Variants in OTULIN observed in about 807,000 individuals in gnomAD.
OTULIN encodes the protein ubiquitin thioesterase otulin.
Under a neutral mutation model 39.6 loss-of-function variants are expected in OTULIN, and 15 were observed. The observed-to-expected ratio is 0.38, with a 90% CI of 0.25 to 0.58. OTULIN has a LOEUF of 0.58. Among genes scored for constraint, OTULIN ranks in the 20% least tolerant of loss-of-function variants. The pLI, the probability that OTULIN is intolerant of heterozygous loss-of-function variation, is 0.66. For missense variants in OTULIN, 319 were observed against 445.9 expected (o/e 0.72, Z 2.56); for synonymous variants, 156 against 170.3 (o/e 0.92, Z 0.65).
chr5:14,687,481 T>C, intron 4 of OTULIN, 40 bp from the exon 5 acceptor site: 1 of 1,594,268 alleles, frequency 6.3e-7, no homozygotes, highest in East Asian at 2.3e-5. Context: ...TTTCTTGGAA[T>C]GTTAACACTT....
At chr5:14,692,792 G>C in intron 6 of OTULIN, 62 bp from the exon 7 acceptor site, 1 of 1,467,818 alleles carries the variant, frequency 6.8e-7, no homozygotes. Flanking sequence ...GATGGAACAT[G>C]GTGTTAAGCC....
intron 4 of OTULIN, among the ~76,000 whole-genome samples, chr5:14,685,882 G>T (rs1273991715): frequency 6.6e-6 from 1 of 152,198 alleles, no homozygotes; most frequent in South Asian, 2.1e-4. Flanking sequence ...GGCATGTGAG[G>T]TTCTTGTGAT....
At position 14,696,316 on chromosome 5, in the gene OTULIN, A is replaced by T. The variant is rs1736667748; in HGVS notation, c.*3268A>T. Reference sequence around the variant, plus strand: ...TCTTCAGATACTAAAGTACAGTTGGATCATTTTCTTATCTCCTTTTCTTAA... The same window carrying T: ...TCTTCAGATACTAAAGTACAGTTGGTTCATTTTCTTATCTCCTTTTCTTAA... On this transcript the variant is annotated 3_prime_UTR_variant, in exon 7 of 7. Coordinates refer to ENST00000284274, the MANE Select transcript of OTULIN (RefSeq NM_138348.6). 6.6e-6 allele frequency: 1 copy of T among 152,212 alleles called. No individual in the cohort carries two copies. Among genetic ancestry groups the T allele is most frequent in the African/African-American group, 2.4e-5 (1 of 41,446 alleles). The allele number at this position is 152,212 out of a possible 1,614,324, so 9.4% of individuals were successfully genotyped here.
chr5:14,703,324 CAAAAAAAAAAAAAAAAAAAAAAAA>C (rs59779015), downstream of OTULIN, among the ~76,000 whole-genome samples: 85 of 122,094 alleles, frequency 7.0e-4, no homozygotes, highest in Middle Eastern at 4.3e-3. Context: ...TTAATAGTGT[CAAAAAAAAAAAAAAAAAAAAAAAA>C]AAAAAAAAAA....
At chr5:14,710,873 CAAGAG>C in the OTULIN span, 1 of 374,200 alleles carries the variant, frequency 2.7e-6, no homozygotes, top group Non-Finnish European at 5.1e-6. Context: ...CCTTTGGTTC[CAAGAG>C]GAGATTGTCC....
intron 1 of OTULIN, among the ~76,000 whole-genome samples, chr5:14,673,072 T>C: frequency 6.6e-6 from 1 of 152,202 alleles, no homozygotes; most frequent in East Asian, 1.9e-4. Flanking sequence ...GGAATCTATG[T>C]AACAGCTGCA....
chr5:14,668,472 C>T (rs530177599), intron 1 of OTULIN, among the ~76,000 whole-genome samples: 20 of 152,286 alleles, frequency 1.3e-4, no homozygotes, highest in African/African-American at 4.1e-4. Flanking sequence ...ATCTCTGAAC[C>T]GCAAAGTGGT....
chr5:14,681,622 C>T lies in OTULIN; in HGVS notation c.468+15C>T. The T allele has an allele frequency of 2.5e-6, 4 of 1,597,180 alleles. No homozygotes were observed. The highest frequency in any genetic ancestry group is 2.6e-6 in the Non-Finnish European group (3 of 1,174,720). On this transcript the variant is annotated intron_variant, in intron 4 of 6. Coordinates refer to ENST00000284274, the MANE Select transcript of OTULIN (RefSeq NM_138348.6). ...AGCTCATGCTGGTACGCTGCTGCTG[C>T]AGGTTTGAGTCCAAAATGTTTCAAA...
At chr5:14,704,248 C>T (rs764683978), downstream of OTULIN, among the ~76,000 whole-genome samples, 16 of 136,024 alleles carry the variant, frequency 1.2e-4, no homozygotes, top group Non-Finnish European at 2.1e-4. Context: ...GAGAATCGCT[C>T]GAACCCGGGA....
In OTULIN at chr5:14,693,138, C is replaced by T; in HGVS notation, c.*90C>T. 7.7e-7 allele frequency: 1 copy of T among 1,294,380 alleles called. No individual in the cohort carries two copies. The highest frequency in any genetic ancestry group is 1.1e-6 in the Non-Finnish European group (1 of 943,852). The allele number at this position is 1,294,380 out of a possible 1,614,324, so 80.2% of individuals were successfully genotyped here. A position where few individuals can be genotyped will look rare whatever the true frequency, so the allele number is the denominator to read the frequency against. On this transcript the variant is annotated 3_prime_UTR_variant, in exon 7 of 7. Coordinates refer to ENST00000284274, the MANE Select transcript of OTULIN (RefSeq NM_138348.6). Reference sequence around the variant, plus strand: ...CTGCAGGTTTGGGGGTCTCTAAGAACAATCTCTGAGAAGAACCCTTGGGCC... The same window carrying T: ...CTGCAGGTTTGGGGGTCTCTAAGAATAATCTCTGAGAAGAACCCTTGGGCC...
At chr5:14,679,153 A>C (rs1161980140) in intron 3 of OTULIN, among the ~76,000 whole-genome samples, 1 of 152,176 alleles carries the variant, frequency 6.6e-6, no homozygotes, top group African/African-American at 2.4e-5. Flanking sequence ...TTTCCACAGC[A>C]CATTGAGTTT....
At chr5:14,712,405 G>A in the OTULIN span, among the ~76,000 whole-genome samples, 143,275 of 152,314 alleles carry the variant, frequency 0.94, 67,498 homozygotes, top group Middle Eastern at 0.98. Flanking sequence ...GTGATCAGAA[G>A]GGCCCTTGCG....
intron 4 of OTULIN, among the ~76,000 whole-genome samples, chr5:14,682,619 A>G (rs992947200): frequency 2.0e-5 from 3 of 152,246 alleles, no homozygotes; most frequent in Non-Finnish European, 4.4e-5. Flanking sequence ...TATGAAAAGA[A>G]AGAAAAAGAT....
chr5:14,665,049 T>A, intron 1 of OTULIN, 72 bp downstream of exon 1: 1 of 960,042 alleles, frequency 1.0e-6, no homozygotes, highest in Non-Finnish European at 1.2e-6. Flanking sequence ...CGGGCTGGGG[T>A]GGGGAGTCGT....
the OTULIN span, chr5:14,713,083 C>T: frequency 3.6e-5 from 38 of 1,068,698 alleles, 1 homozygote; most frequent in Middle Eastern, 7.8e-4. This position sits in a 1 kb window ranked among gnomAD's most constrained non-coding sequence, Gnocchi z 4.4. Context: ...CTGAGACCAG[C>T]GGCGTTCTCC....
At chr5:14,665,253 C>T (rs1735803991) in intron 1 of OTULIN, among the ~76,000 whole-genome samples, 1 of 152,214 alleles carries the variant, frequency 6.6e-6, no homozygotes, top group African/African-American at 2.4e-5. Context: ...GTTCCAGAAA[C>T]TTGGGAAGCA....
intron 1 of OTULIN, among the ~76,000 whole-genome samples, chr5:14,670,325 A>G (rs1036657550): frequency 6.6e-6 from 1 of 152,222 alleles, no homozygotes; most frequent in Non-Finnish European, 1.5e-5. Context: ...TACCTGTTCC[A>G]GATTCCTGGC....
the OTULIN span, chr5:14,706,606 A>G: frequency 6.6e-6 from 1 of 152,310 alleles, no homozygotes; most frequent in East Asian, 1.9e-4. Context: ...TGATTCCACA[A>G]TGCAATTTCT....
intron 1 of OTULIN, among the ~76,000 whole-genome samples, chr5:14,669,190 C>A (rs1391582167): frequency 6.6e-6 from 1 of 151,904 alleles, no homozygotes; most frequent in Admixed American, 6.6e-5. Context: ...TGTGGTGAAA[C>A]CCTGTCTCCA....
Sources: gnomAD v4.1 joint callset for allele counts (sites outside exome capture counted in the v4.1 genomes callset) on GRCh38, gnomAD v4.1.1 for gene constraint, Gnocchi (gnomAD v3.1) non-coding constraint, MANE v1.5 for transcripts, NCBI Gene and HGNC (gene_info 2026-07-23, HGNC 2026-07-21) for gene names.